The following TMEM67 variants were observed in gnomAD, a reference collection of about 807,000 sequenced individuals.
The protein encoded by TMEM67 is transmembrane protein 67.
A neutral mutation model predicts 136.6 loss-of-function variants in TMEM67; 124 were observed. The observed-to-expected ratio is 0.91, with a 90% CI of 0.78 to 1.05. The LOEUF (loss-of-function observed/expected upper bound fraction) is 1.05. TMEM67 is among the 50% of genes least tolerant of loss of function. The probability of loss-of-function intolerance (pLI) is 0.00; values close to 1 mark genes in which losing one functional copy is unlikely to be tolerated. For synonymous variants in TMEM67, 364 were observed against 390.5 expected, an observed-to-expected ratio of 0.93 and a Z score of 0.80; for missense variants, 1,107 against 1,178.4, an observed-to-expected ratio of 0.94 and a Z score of 0.89.
At chr8:93,832,423 C>T in the TMEM67 span, among the ~76,000 whole-genome samples, 5 of 152,172 alleles carry the variant, frequency 3.3e-5, no homozygotes, top group Non-Finnish European at 7.3e-5. Context: ...GAACAATTTC[C>T]TTATCTGCCA....
intron 20 of TMEM67, among the ~76,000 whole-genome samples, chr8:93,798,772 A>G (rs1446046516): frequency 6.6e-6 from 1 of 152,104 alleles, no homozygotes; most frequent in Non-Finnish European, 1.5e-5. Flanking sequence ...TATGAACAAG[A>G]CTTCCAAAGT....
intron 23 of TMEM67, among the ~76,000 whole-genome samples, chr8:93,806,697 T>C (rs1422328118): frequency 6.6e-6 from 1 of 152,130 alleles, no homozygotes. Context: ...ATTTATTTAA[T>C]ACATTGAGCT....
At position 93,816,562 on chromosome 8, in the gene TMEM67, T is replaced by A; in HGVS notation, c.*110T>A. 1.7e-6 allele frequency: 1 copy of A among 580,424 alleles called. No homozygotes were observed. The highest frequency in any genetic ancestry group is 3.1e-6 in the Non-Finnish European group (1 of 319,920). 36.0% of individuals were successfully genotyped at this position (580,424 alleles called of 1,614,324 possible). ...AAACTTATAATGCAGACTATTCTGT[T>A]TTTGTTTTTTATTTGCAGAAAGATT... On this transcript the variant is annotated 3_prime_UTR_variant, in exon 28 of 28. Transcript: ENST00000453321.
intron 21 of TMEM67, among the ~76,000 whole-genome samples, chr8:93,800,372 A>G (rs906800788): frequency 3.3e-5 from 5 of 152,120 alleles, no homozygotes; most frequent in African/African-American, 1.2e-4. Context: ...AGTAGAAAAT[A>G]CAGTGTTCAC....
intron 4 of TMEM67, 111 bp downstream of exon 4, chr8:93,764,052 AG>A: frequency 1.3e-6 from 1 of 771,840 alleles, no homozygotes; most frequent in Non-Finnish European, 2.2e-6. Context: ...CAATAACCCA[AG>A]GAAGGATAGA....
downstream of TMEM67, among the ~76,000 whole-genome samples, chr8:93,821,999 A>T (rs201767214): frequency 4.6e-5 from 7 of 151,580 alleles, no homozygotes; most frequent in East Asian, 1.2e-3. Context: ...TATATGTGTA[A>T]ATTTGGAATT....
chr8:93,785,901 T>G (rs1423908603), intron 12 of TMEM67: 26 of 331,000 alleles, frequency 7.9e-5, no homozygotes, highest in Middle Eastern at 2.0e-3. Context: ...TAATTAGAAC[T>G]GGTTGCTACA....
intron 14 of TMEM67, among the ~76,000 whole-genome samples, chr8:93,790,200 T>G (rs1471260116): frequency 6.6e-6 from 1 of 152,248 alleles, no homozygotes; most frequent in Non-Finnish European, 1.5e-5. Flanking sequence ...TTACATCAGT[T>G]GTAAACATCC....
chr8:93,781,403 T>C (rs973779024), intron 9 of TMEM67, among the ~76,000 whole-genome samples: 3 of 152,222 alleles, frequency 2.0e-5, no homozygotes, highest in Non-Finnish European at 4.4e-5. Flanking sequence ...CTGCCTCCTA[T>C]TTAACAGGTT....
At chr8:93,786,426 A>G (rs1343337944) in intron 13 of TMEM67, 80 bp downstream of exon 13, 4 of 1,499,094 alleles carry the variant, frequency 2.7e-6, no homozygotes, top group African/African-American at 1.4e-5. Flanking sequence ...GATGAAAACA[A>G]TAAGGACAAC....
At chr8:93,756,950 T>TGTA (rs1812598153) in intron 2 of TMEM67, 1 of 152,064 alleles carries the variant, frequency 6.6e-6, no homozygotes, top group Non-Finnish European at 1.5e-5. Context: ...GGCGCGTGCC[T>TGTA]GTAGTCCCAG....
Position 93,780,967 on chromosome 8 carries a change from T to C in TMEM67, c.963T>C (p.Phe321=), listed in dbSNP as rs1334443760. The C allele has an allele frequency of 6.2e-7, 1 of 1,606,836 alleles. No homozygotes were observed. Among genetic ancestry groups the C allele is most frequent in the East Asian group, 2.2e-5 (1 of 44,802 alleles). The change falls in exon 9 of 28, where the codon TTT becomes TTC. Residue 321 remains phenylalanine (F), a synonymous_variant. Coordinates refer to ENST00000453321, the MANE Select transcript of TMEM67 (RefSeq NM_153704.6). The part of the protein sequence containing the change: ...SSTSLPTNFS[F]KGENQNTKLK... ...CCTCTCTTCCTACAAATTTCAGTTTTAAAGGAGAAAACCAGGTAAAAGTGT... is the reference window on the plus strand; with the variant it reads ...CCTCTCTTCCTACAAATTTCAGTTTCAAAGGAGAAAACCAGGTAAAAGTGT...
chr8:93,765,693 C>A, intron 6 of TMEM67, 47 bp downstream of exon 6: 2 of 1,191,584 alleles, frequency 1.7e-6, no homozygotes, highest in Non-Finnish European at 2.5e-6. Flanking sequence ...AAACTTTCTA[C>A]ATTTCATCCA....
Position 93,780,640 on chromosome 8 carries a change from G to T in TMEM67, c.762G>T (p.Val254=), listed in dbSNP as rs750286885. 8 of 1,614,108 alleles carry T rather than the reference G, an allele frequency of 5.0e-6. No individual in the cohort carries two copies. The highest frequency in any genetic ancestry group is 6.8e-6 in the Non-Finnish European group (8 of 1,180,026). ...TSCQALGNMC[V]MNMNSYDFAT... is the part of the protein sequence containing the mutation. ...GTCAAGCTCTTGGAAATATGTGTGT[G>T]ATGAACATGAATTCTTACGACTTTG... is the stretch of plus-strand genomic sequence containing the variant. Residue 254 remains valine, a synonymous_variant, in exon 8 of 28, where the codon GTG becomes GTT. Transcript: ENST00000453321.
chr8:93,804,310 C>CTT (rs1182297223), intron 22 of TMEM67, among the ~76,000 whole-genome samples: 218 of 93,794 alleles, frequency 2.3e-3, no homozygotes, highest in African/African-American at 4.2e-3. Flanking sequence ...CTTTTCTTTT[C>CTT]TTTTTTTTTT....
At position 93,782,410 on chromosome 8, in the gene TMEM67, G is replaced by A. The variant is rs863225237; in HGVS notation, c.1081G>A (p.Glu361Lys). The change falls in exon 11 of 28, where the codon GAG becomes AAG. Residue 361 changes from glutamate (E) to lysine (K), a missense_variant. Glu to Lys is a moderately conservative substitution (Grantham distance 56). Coordinates refer to ENST00000453321, the MANE Select transcript of TMEM67 (RefSeq NM_153704.6). The part of the protein sequence containing the change: ...GGVLQLCPDT[E>K]TRLNAAYSFG... ...TTTGCTGCAGCTTTGTCCAGACACA[G>A]AGACAAGGCTAAATGCTGCTTATTC... is the stretch of plus-strand genomic sequence containing the variant. The A allele has an allele frequency of 6.2e-7, 1 of 1,612,962 alleles. No individual in the cohort carries two copies. The highest frequency in any genetic ancestry group is 2.2e-5 in the East Asian group (1 of 44,830).
In TMEM67 at chr8:93,804,776, G is replaced by T. The variant is rs1815056574; in HGVS notation, c.2337G>T (p.Leu779=). 1 of 1,592,340 alleles carries T rather than the reference G, an allele frequency of 6.3e-7. No homozygotes were observed. The highest frequency in any genetic ancestry group is 1.7e-5 in the Admixed American group (1 of 59,856). The change falls in exon 23 of 28, where the codon CTG becomes CTT. Residue 779 remains leucine, a synonymous_variant. Transcript: ENST00000453321. ...LCSMSNISVF[L]LSHKCFGYYI... is the part of the protein sequence containing the mutation. ...TCTTTTTATAGATATCAGTGTTTCTGTTATCCCACAAATGTTTTGGATATT... is the reference window on the plus strand; with the variant it reads ...TCTTTTTATAGATATCAGTGTTTCTTTTATCCCACAAATGTTTTGGATATT...
At chr8:93,802,542 T>G (rs1042213635) in intron 21 of TMEM67, among the ~76,000 whole-genome samples, 5 of 152,228 alleles carry the variant, frequency 3.3e-5, no homozygotes, top group Admixed American at 3.3e-4. Flanking sequence ...CATGGTAATA[T>G]TCTAAAATGA....
chr8:93,756,084 A>T, intron 2 of TMEM67: 1 of 437,398 alleles, frequency 2.3e-6, no homozygotes, highest in Non-Finnish European at 4.0e-6. Flanking sequence ...TGAAATCCAA[A>T]AACCACAAAG....
Sources: gnomAD v4.1 joint callset for allele counts (sites outside exome capture counted in the v4.1 genomes callset) on GRCh38, gnomAD v4.1.1 for gene constraint, MANE v1.5 for transcripts, NCBI Gene and HGNC (gene_info 2026-07-23, HGNC 2026-07-21) for gene names.